PSD3: variants seen among roughly 807,000 people sequenced by gnomAD.
The protein encoded by PSD3 is PH and SEC7 domain-containing protein 3.
A neutral mutation model predicts 105.5 loss-of-function variants in PSD3; 49 were observed. The ratio of observed to expected loss-of-function variants is 0.46; its 90% confidence interval spans 0.37 to 0.59. The LOEUF is 0.59. Among genes scored for constraint, PSD3 ranks in the 20% least tolerant of loss-of-function variants. The probability of loss-of-function intolerance (pLI) is 0.00; values close to 1 mark genes in which losing one functional copy is unlikely to be tolerated. For missense variants in PSD3, 1,561 were observed against 1,263.8 expected, an observed-to-expected ratio of 1.24 and a Z score of -3.57; for synonymous variants, 557 against 457.8, an observed-to-expected ratio of 1.22 and a Z score of -2.77.
chr8:18,947,844 A>T (rs991880880), intron 1 of PSD3, among the ~76,000 whole-genome samples: 2 of 152,136 alleles, frequency 1.3e-5, no homozygotes, highest in Non-Finnish European at 2.9e-5. Flanking sequence ...GAAGTGTGAC[A>T]TAGAAAGCTG....
chr8:18,806,183 T>C (rs1290950696), intron 4 of PSD3, among the ~76,000 whole-genome samples: 1 of 152,218 alleles, frequency 6.6e-6, no homozygotes, highest in Non-Finnish European at 1.5e-5. Context: ...TGCATGACAG[T>C]GGAGAATACG....
At chr8:18,972,713 C>T (rs1362174798) in intron 1 of PSD3, among the ~76,000 whole-genome samples, 1 of 152,208 alleles carries the variant, frequency 6.6e-6, no homozygotes, top group Non-Finnish European at 1.5e-5. Flanking sequence ...TCTGTTTACA[C>T]CATGTAAGGA....
chr8:18,852,846 A>G (rs1815702536), intron 4 of PSD3, among the ~76,000 whole-genome samples: 1 of 152,320 alleles, frequency 6.6e-6, no homozygotes, highest in Admixed American at 6.5e-5. Context: ...ATTAATGTTT[A>G]CTGAGCTCTT....
At chr8:18,821,997 C>T (rs1812782158) in intron 4 of PSD3, among the ~76,000 whole-genome samples, 1 of 151,940 alleles carries the variant, frequency 6.6e-6, no homozygotes, top group Non-Finnish European at 1.5e-5. Flanking sequence ...TGCAGAGTCA[C>T]AATGCACCTT....
intron 8 of PSD3, among the ~76,000 whole-genome samples, chr8:18,791,732 A>T (rs1182603902): frequency 6.6e-6 from 1 of 152,240 alleles, no homozygotes; most frequent in Non-Finnish European, 1.5e-5. Flanking sequence ...GACAAACGGG[A>T]TCCAATCAAA....
At chr8:18,783,508 T>G (rs1241617099) in intron 8 of PSD3, among the ~76,000 whole-genome samples, 2 of 152,246 alleles carry the variant, frequency 1.3e-5, no homozygotes, top group Non-Finnish European at 2.9e-5. Context: ...TTTGCTTTTG[T>G]TTCTTTCATT....
intron 2 of PSD3, among the ~76,000 whole-genome samples, chr8:18,928,232 A>G (rs1302485473): frequency 1.3e-5 from 2 of 152,218 alleles, no homozygotes; most frequent in Non-Finnish European, 2.9e-5. Context: ...ATGATAGCAA[A>G]TAAGTCTCAT....
chr8:18,587,013 T>G (rs532654161), intron 12 of PSD3, among the ~76,000 whole-genome samples: 1 of 152,306 alleles, frequency 6.6e-6, no homozygotes, highest in East Asian at 1.9e-4. Flanking sequence ...AGTGAGCTTT[T>G]GTCAAACTGA....
At chr8:18,723,101 T>C (rs1803111616) in intron 9 of PSD3, among the ~76,000 whole-genome samples, 1 of 152,120 alleles carries the variant, frequency 6.6e-6, no homozygotes. Context: ...AAACAAACCA[T>C]GCTCCGTTGA....
At chr8:18,863,488 T>G (rs1816605425) in intron 4 of PSD3, among the ~76,000 whole-genome samples, 1 of 152,162 alleles carries the variant, frequency 6.6e-6, no homozygotes, top group Non-Finnish European at 1.5e-5. Context: ...TTGTGTTCCA[T>G]GCAGAGGCTG....
At position 18,552,244 on chromosome 8, in the gene PSD3, G is replaced by A. The variant is rs181443808; in HGVS notation, c.2928+3965C>T. Among the ~76,000 whole-genome samples, 6 of 152,196 alleles carry A rather than the reference G, an allele frequency of 3.9e-5. No individual in the cohort carries two copies. The East Asian group carries it at 1.2e-3, about 29-fold the overall frequency. On this transcript the variant is annotated intron_variant, in intron 15 of 15. Coordinates refer to ENST00000327040, the MANE Select transcript of PSD3 (RefSeq NM_015310.4). ...CCCAGTCATGGATTTAATAGGCTTG[G>A]GCTGGTGTATCTTTTCCCTCTCCCT...
At chr8:18,654,797 A>G (rs1352069708) in intron 10 of PSD3, among the ~76,000 whole-genome samples, 1 of 152,148 alleles carries the variant, frequency 6.6e-6, no homozygotes, top group Non-Finnish European at 1.5e-5. Context: ...TCATCTCCCA[A>G]GCTTATTCCA....
At chr8:18,851,810 T>G (rs1815594571) in intron 4 of PSD3, among the ~76,000 whole-genome samples, 1 of 152,220 alleles carries the variant, frequency 6.6e-6, no homozygotes, top group South Asian at 2.1e-4. Context: ...AGATTCTGCC[T>G]TGTGAGGATA....
chr8:19,022,382 C>A (rs538417778), intron 1 of PSD3, among the ~76,000 whole-genome samples: 3 of 152,202 alleles, frequency 2.0e-5, no homozygotes, highest in Non-Finnish European at 2.9e-5. Flanking sequence ...CCCTCTCTCA[C>A]CCACCCTACT....
chr8:18,918,605 T>G (rs936380266), intron 2 of PSD3, among the ~76,000 whole-genome samples: 1 of 152,210 alleles, frequency 6.6e-6, no homozygotes, highest in African/African-American at 2.4e-5. Context: ...CTTGACATAC[T>G]AATAAACAAA....
At chr8:18,581,746 C>T (rs1211122751) in intron 12 of PSD3, among the ~76,000 whole-genome samples, 1 of 152,226 alleles carries the variant, frequency 6.6e-6, no homozygotes, top group Non-Finnish European at 1.5e-5. Context: ...GTCTTCTCAT[C>T]CACACTGTCA....
intron 1 of PSD3, among the ~76,000 whole-genome samples, chr8:19,020,375 G>C (rs976287270): frequency 1.3e-5 from 2 of 152,090 alleles, no homozygotes; most frequent in Non-Finnish European, 2.9e-5. Context: ...AGGAGGTGAG[G>C]GGGAAAGCCA....
intron 1 of PSD3, among the ~76,000 whole-genome samples, chr8:19,068,102 T>C (rs1323219431): frequency 6.6e-6 from 1 of 152,080 alleles, no homozygotes; most frequent in African/African-American, 2.4e-5. Flanking sequence ...GCACAATCCC[T>C]TGGTTTTGGC....
chr8:18,902,860 G>A (rs565817941), intron 2 of PSD3, among the ~76,000 whole-genome samples: 1 of 152,306 alleles, frequency 6.6e-6, no homozygotes, highest in East Asian at 1.9e-4. Context: ...GGCTGCTAAT[G>A]TCTTCAGTCC....
Sources: gnomAD v4.1 joint callset for allele counts (sites outside exome capture counted in the v4.1 genomes callset) on GRCh38, gnomAD v4.1.1 for gene constraint, MANE v1.5 for transcripts, NCBI Gene and HGNC (gene_info 2026-07-23, HGNC 2026-07-21) for gene names.